Variants in RNF220 observed in about 807,000 individuals in gnomAD.
RNF220 encodes ring finger protein 220.
A neutral mutation model predicts 67.1 loss-of-function variants in RNF220; 7 were observed. The ratio of observed to expected loss-of-function variants is 0.10; its 90% CI spans 0.06 to 0.20. The LOEUF (loss-of-function observed/expected upper bound fraction) is 0.20. Ranked by LOEUF, RNF220 falls within the 10% of genes least tolerant of loss-of-function variation. RNF220 has a pLI of 1.00. For missense variants in RNF220, 565 were observed against 740.3 expected (o/e 0.76, Z 2.75); for synonymous variants, 270 against 283.2 (o/e 0.95, Z 0.47).
intron 2 of RNF220, among the ~76,000 whole-genome samples, chr1:44,415,916 C>T (rs549856884): frequency 1.3e-5 from 2 of 152,354 alleles, no homozygotes; most frequent in Non-Finnish European, 2.9e-5. Context: ...TGGTGTAATG[C>T]ACACATGTTC....
At chr1:44,557,983 G>A (rs2148280384) in intron 2 of RNF220, among the ~76,000 whole-genome samples, 1 of 152,326 alleles carries the variant, frequency 6.6e-6, no homozygotes, top group Admixed American at 6.5e-5. Flanking sequence ...GGGTAGGACT[G>A]TTCCAGCTGG....
In RNF220 at chr1:44,405,377, A is replaced by ACTGCTGCTGCTGCTGCTGCTGCTG. The variant is rs111665631; in HGVS notation, c.-252_-251insTGCTGCTGCTGCTGCTGCTGCTGC. 9 of 611,418 alleles carry ACTGCTGCTGCTGCTGCTGCTGCTG rather than the reference A, an allele frequency of 1.5e-5. No individual in the cohort carries two copies. The highest frequency in any genetic ancestry group is 1.3e-4 in the African/African-American group (7 of 51,922). The allele number at this position is 611,418 out of a possible 1,614,324, so 37.9% of individuals were successfully genotyped here. A position where few individuals can be genotyped will look rare whatever the true frequency, so the allele number is the denominator to read the frequency against. On this transcript the variant is annotated 5_prime_UTR_variant, in exon 1 of 15. Transcript: ENST00000361799. ...AACACAAACCCGGGGCCAGCCGCCTACTGCTGCTGCTGCTGCTGCCGCTGC... is the reference window on the plus strand; with the variant it reads ...AACACAAACCCGGGGCCAGCCGCCTACTGCTGCTGCTGCTGCTGCTGCTGCTGCTGCTGCTGCTGCTGCCGCTGC...
chr1:44,451,011 G>A (rs779401041), intron 2 of RNF220, among the ~76,000 whole-genome samples: 14 of 152,050 alleles, frequency 9.2e-5, no homozygotes, highest in South Asian at 2.1e-4. Flanking sequence ...GTGAAACCCC[G>A]TCTCTACTAA....
intron 2 of RNF220, among the ~76,000 whole-genome samples, chr1:44,516,430 G>A (rs1166852066): frequency 6.6e-6 from 1 of 152,188 alleles, no homozygotes; most frequent in Non-Finnish European, 1.5e-5. Flanking sequence ...AAAGAGCAAA[G>A]GAAAGGTGTT....
intron 2 of RNF220, among the ~76,000 whole-genome samples, chr1:44,503,150 A>G (rs1371499050): frequency 1.3e-5 from 2 of 152,074 alleles, no homozygotes; most frequent in East Asian, 3.9e-4. Flanking sequence ...TCTGGCCAAC[A>G]TGGTGAAACC....
At chr1:44,599,946 G>A (rs1666802082) in intron 2 of RNF220, among the ~76,000 whole-genome samples, 1 of 152,182 alleles carries the variant, frequency 6.6e-6, no homozygotes, top group African/African-American at 2.4e-5. Context: ...ATAGATTAGA[G>A]GGGAGAGAGA....
chr1:44,497,077 C>T (rs979790711), intron 2 of RNF220, among the ~76,000 whole-genome samples: 2 of 152,140 alleles, frequency 1.3e-5, no homozygotes, highest in Admixed American at 6.5e-5. Flanking sequence ...ACAGTTTCTT[C>T]TCTGGCCAGT....
intron 2 of RNF220, among the ~76,000 whole-genome samples, chr1:44,598,556 G>A (rs1231216506): frequency 6.6e-6 from 1 of 152,166 alleles, no homozygotes; most frequent in South Asian, 2.1e-4. Flanking sequence ...GAGAGAAAGC[G>A]TGCAGCCCAG....
At chr1:44,620,088 A>G (rs182682740) in intron 3 of RNF220, among the ~76,000 whole-genome samples, 11 of 152,364 alleles carry the variant, frequency 7.2e-5, no homozygotes, top group Middle Eastern at 3.4e-3. Context: ...CACAGAAAGC[A>G]AAGAAAAAGA....
At chr1:44,612,762 C>A (rs1345231516) in intron 2 of RNF220, among the ~76,000 whole-genome samples, 1 of 150,526 alleles carries the variant, frequency 6.6e-6, no homozygotes, top group Non-Finnish European at 1.5e-5. Context: ...CATGCTTATA[C>A]AAAAAAAAAA....
At chr1:44,589,017 A>G (rs949126663) in intron 2 of RNF220, among the ~76,000 whole-genome samples, 1 of 152,304 alleles carries the variant, frequency 6.6e-6, no homozygotes, top group East Asian at 1.9e-4. Context: ...CTTCTCTCTG[A>G]GGGGCCCCCT....
intron 2 of RNF220, chr1:44,419,741 C>G (rs887249870): frequency 3.9e-5 from 6 of 152,092 alleles, no homozygotes; most frequent in Non-Finnish European, 7.3e-5. Flanking sequence ...CTTATTTATG[C>G]CTTGAGGTTT....
At chr1:44,444,369 C>T (rs1377733265) in intron 2 of RNF220, among the ~76,000 whole-genome samples, 1 of 151,882 alleles carries the variant, frequency 6.6e-6, no homozygotes, top group Non-Finnish European at 1.5e-5. Context: ...TTGTGAGATT[C>T]ATCCATATTA....
At chr1:44,636,759 G>A (rs1230749076) in intron 8 of RNF220, among the ~76,000 whole-genome samples, 4 of 152,224 alleles carry the variant, frequency 2.6e-5, no homozygotes, top group Non-Finnish European at 4.4e-5. Context: ...AGGGGCCTGG[G>A]CCCAGCTGCT....
intron 2 of RNF220, among the ~76,000 whole-genome samples, chr1:44,584,995 A>G (rs270710): frequency 0.48 from 72,950 of 152,094 alleles, 17,575 homozygotes; most frequent in Middle Eastern, 0.59. Flanking sequence ...CACCACGCCC[A>G]GCCCAGAAGT....
intron 2 of RNF220, among the ~76,000 whole-genome samples, chr1:44,526,276 C>G (rs191909872): frequency 1.2e-4 from 18 of 152,324 alleles, no homozygotes; most frequent in African/African-American, 4.3e-4. Context: ...GAATGACTTC[C>G]CATTTCCCAC....
At chr1:44,578,399 G>A (rs1261227438) in intron 2 of RNF220, among the ~76,000 whole-genome samples, 1 of 152,086 alleles carries the variant, frequency 6.6e-6, no homozygotes, top group Non-Finnish European at 1.5e-5. Flanking sequence ...TCCTCCCAAA[G>A]TGCTGGGATT....
At chr1:44,605,221 C>A (rs148221575) in intron 2 of RNF220, among the ~76,000 whole-genome samples, 1 of 149,808 alleles carries the variant, frequency 6.7e-6, no homozygotes, top group Non-Finnish European at 1.5e-5. Flanking sequence ...ATCACTTGAA[C>A]GCAGGAGGCA....
chr1:44,489,867 A>G (rs1340930299), intron 2 of RNF220, among the ~76,000 whole-genome samples: 1 of 152,170 alleles, frequency 6.6e-6, no homozygotes, highest in Non-Finnish European at 1.5e-5. Context: ...TTTGTCTCGC[A>G]GCTCTAAGTC....
Sources: allele counts gnomAD v4.1 joint callset (sites outside exome capture counted in the v4.1 genomes callset), GRCh38; gene constraint gnomAD v4.1.1; transcripts MANE v1.5; gene names NCBI Gene and HGNC (gene_info 2026-07-23, HGNC 2026-07-21).